TTC29: variants seen among roughly 807,000 people sequenced by gnomAD.
TTC29 encodes tetratricopeptide repeat protein 29.
In TTC29, 49 loss-of-function variants were observed where a neutral mutation model predicts 58.1. That is an observed-to-expected ratio of 0.84 (90% CI 0.67 to 1.07). The LOEUF (loss-of-function observed/expected upper bound fraction) is 1.07, where lower values mean the gene tolerates loss of function less well. TTC29 is among the 50% of genes least tolerant of loss of function. TTC29 has a pLI of 0.00. For synonymous variants in TTC29, 209 were observed against 196.8 expected (o/e 1.06, Z -0.52); for missense variants, 582 against 555.6 (o/e 1.05, Z -0.48).
At chr4:146,815,764 G>C (rs1268397043) in intron 10 of TTC29, among the ~76,000 whole-genome samples, 1 of 152,154 alleles carries the variant, frequency 6.6e-6, no homozygotes, top group East Asian at 1.9e-4. Context: ...ACATCAAGTA[G>C]GTGGTGGGGT....
chr4:146,935,605 C>G (rs1035112296), intron 4 of TTC29, among the ~76,000 whole-genome samples: 3 of 152,066 alleles, frequency 2.0e-5, no homozygotes, highest in Non-Finnish European at 4.4e-5. Context: ...TTTTTCTTGA[C>G]CTCTAGGCTG....
chr4:146,788,593 CT>C (rs1355618853), intron 11 of TTC29, among the ~76,000 whole-genome samples: 1 of 151,462 alleles, frequency 6.6e-6, no homozygotes, highest in African/African-American at 2.4e-5. Context: ...TTCGAAAATG[CT>C]TTTTAGAAAG....
intron 11 of TTC29, among the ~76,000 whole-genome samples, chr4:146,709,309 C>T (rs1458753591): frequency 6.6e-6 from 1 of 152,098 alleles, no homozygotes; most frequent in Non-Finnish European, 1.5e-5. Context: ...TTGGCTGCCT[C>T]CTTTTGTATT....
At chr4:146,753,175 A>C (rs905250160) in intron 11 of TTC29, among the ~76,000 whole-genome samples, 2 of 152,218 alleles carry the variant, frequency 1.3e-5, no homozygotes, top group Non-Finnish European at 2.9e-5. Context: ...TAATATCCAG[A>C]ATCTACAATG....
intron 11 of TTC29, among the ~76,000 whole-genome samples, chr4:146,762,008 T>C (rs1746945150): frequency 6.6e-6 from 1 of 151,732 alleles, no homozygotes; most frequent in Non-Finnish European, 1.5e-5. Context: ...TGACCTTGTG[T>C]TTTTTTTCTG....
chr4:146,821,796 G>C (rs1407721373), intron 9 of TTC29, among the ~76,000 whole-genome samples: 1 of 152,064 alleles, frequency 6.6e-6, no homozygotes, highest in African/African-American at 2.4e-5. Context: ...TGGGAGCCTA[G>C]CAAATGTCCC....
Position 146,763,426 on chromosome 4 carries a change from G to A in TTC29, c.1330+40031C>T, listed in dbSNP as rs575443054. On this transcript the variant is annotated intron_variant, in intron 11 of 12. Transcript: ENST00000325106. ...TTCCATGTCAGCCCACTGCATGGTGGTTATAGATCTCAGGCCTCCCAGCTC... is the reference window on the plus strand; with the variant it reads ...TTCCATGTCAGCCCACTGCATGGTGATTATAGATCTCAGGCCTCCCAGCTC... 9.2e-5 allele frequency among the ~76,000 whole-genome samples: 14 copies of A among 152,106 alleles called. No homozygotes were observed. The South Asian group carries it at 2.1e-3, about 23-fold the overall frequency.
At chr4:146,799,945 C>G (rs1318570705) in intron 11 of TTC29, among the ~76,000 whole-genome samples, 1 of 152,064 alleles carries the variant, frequency 6.6e-6, no homozygotes, top group Non-Finnish European at 1.5e-5. Flanking sequence ...GATAATAGCT[C>G]TAGTAAGGAA....
intron 4 of TTC29, among the ~76,000 whole-genome samples, chr4:146,935,535 C>G (rs540728427): frequency 1.3e-5 from 2 of 152,230 alleles, no homozygotes; most frequent in East Asian, 3.9e-4. Flanking sequence ...AGACAGGGAG[C>G]CAAACTCAAA....
chr4:146,892,091 G>A (rs1221461243), intron 6 of TTC29, among the ~76,000 whole-genome samples: 1 of 152,138 alleles, frequency 6.6e-6, no homozygotes, highest in Non-Finnish European at 1.5e-5. Flanking sequence ...GAGGTATCTG[G>A]TGGGAGGTGA....
At chr4:146,813,414 A>C (rs1036122339) in intron 10 of TTC29, among the ~76,000 whole-genome samples, 3 of 152,242 alleles carry the variant, frequency 2.0e-5, no homozygotes, top group African/African-American at 7.2e-5. Context: ...TGAGTGGTCC[A>C]TTTTCTATGA....
At chr4:146,941,507 G>A (rs1255954950) in intron 2 of TTC29, among the ~76,000 whole-genome samples, 1 of 152,112 alleles carries the variant, frequency 6.6e-6, no homozygotes, top group Admixed American at 6.5e-5. Flanking sequence ...AAACAAATAA[G>A]CAAAATATAT....
At chr4:146,742,400 C>T (rs1430210600) in intron 11 of TTC29, among the ~76,000 whole-genome samples, 3 of 152,162 alleles carry the variant, frequency 2.0e-5, no homozygotes, top group East Asian at 3.8e-4. Context: ...GAGAATTCTT[C>T]TCATTCTCTC....
chr4:146,875,888 C>T (rs548960584), intron 6 of TTC29, among the ~76,000 whole-genome samples: 3 of 152,284 alleles, frequency 2.0e-5, no homozygotes, highest in Non-Finnish European at 2.9e-5. Flanking sequence ...GAATAGTTTG[C>T]AGCTCCATAC....
intron 4 of TTC29, among the ~76,000 whole-genome samples, chr4:146,931,645 T>A (rs1735344032): frequency 6.6e-6 from 1 of 152,208 alleles, no homozygotes; most frequent in African/African-American, 2.4e-5. Flanking sequence ...TAGTCATGAT[T>A]CCCATGCTTT....
At chr4:146,908,945 A>G in intron 5 of TTC29, 81 bp downstream of exon 5, 1 of 1,200,042 alleles carries the variant, frequency 8.3e-7, no homozygotes, top group Non-Finnish European at 1.2e-6. Flanking sequence ...TCAAATTCAT[A>G]CATGAAACAA....
chr4:146,709,972 A>G (rs567729303), intron 11 of TTC29, among the ~76,000 whole-genome samples: 1 of 152,188 alleles, frequency 6.6e-6, no homozygotes, highest in Non-Finnish European at 1.5e-5. Context: ...ACAGGGTTTC[A>G]GTCCTTCCTT....
intron 6 of TTC29, 53 bp downstream of exon 6, chr4:146,903,491 A>T: frequency 6.8e-7 from 1 of 1,469,288 alleles, no homozygotes; most frequent in Admixed American, 2.2e-5. Flanking sequence ...CCATTGTGTG[A>T]TCTCAGGATC....
Position 146,860,226 on chromosome 4 carries a change from A to T in TTC29, c.885+7272T>A, listed in dbSNP as rs141159058. ...ACTGTAAGAACTCTCTCCCCCCAAA[A>T]CTTTCTGTCAGCTAAACATTACAAA... On this transcript the variant is annotated intron_variant, in intron 8 of 12. Transcript: ENST00000325106. Among the ~76,000 whole-genome samples the T allele has an allele frequency of 5.5e-4, 84 of 152,198 alleles. 1 individual carries two copies. The East Asian group carries it at 0.011, about 20-fold the overall frequency.
Sources: gnomAD v4.1 joint callset for allele counts (sites outside exome capture counted in the v4.1 genomes callset) on GRCh38, gnomAD v4.1.1 for gene constraint, MANE v1.5 for transcripts, NCBI Gene and HGNC (gene_info 2026-07-23, HGNC 2026-07-21) for gene names.